The following GSK3B variants were observed in gnomAD, a reference collection of about 807,000 sequenced individuals.
GSK3B encodes the protein glycogen synthase kinase-3 beta.
A neutral mutation model predicts 56.4 loss-of-function variants in GSK3B; 15 were observed. The ratio of observed to expected loss-of-function variants is 0.27; its 90% CI spans 0.18 to 0.41. GSK3B has a LOEUF of 0.41. GSK3B is among the 10% of genes least tolerant of loss of function. The pLI is 1.00. For missense variants in GSK3B, 300 were observed against 513.4 expected, an observed-to-expected ratio of 0.58 and a Z score of 4.02; for synonymous variants, 181 against 188.9, an observed-to-expected ratio of 0.96 and a Z score of 0.34.
chr3:119,865,466 ATTTT>A (rs779477802), intron 8 of GSK3B, among the ~76,000 whole-genome samples: 84 of 34,012 alleles, frequency 2.5e-3, no homozygotes, highest in South Asian at 4.1e-3. Flanking sequence ...ATATATATAT[ATTTT>A]TTTTTTTTTT....
At chr3:119,874,428 G>C (rs1420674429) in intron 8 of GSK3B, among the ~76,000 whole-genome samples, 2 of 151,998 alleles carry the variant, frequency 1.3e-5, no homozygotes, top group Non-Finnish European at 2.9e-5. Flanking sequence ...TGTGAATGTA[G>C]TATCTCTCTT....
At chr3:119,839,140 C>T (rs1262515885) in intron 10 of GSK3B, among the ~76,000 whole-genome samples, 2 of 152,224 alleles carry the variant, frequency 1.3e-5, no homozygotes, top group East Asian at 3.9e-4. Context: ...TGATTTTAGG[C>T]CACAATCTGG....
At chr3:120,089,455 G>T (rs2058492754) in intron 1 of GSK3B, among the ~76,000 whole-genome samples, 1 of 152,178 alleles carries the variant, frequency 6.6e-6, no homozygotes, top group Admixed American at 6.5e-5. Flanking sequence ...ATTTTTAGAT[G>T]TCATAAAGAG....
intron 2 of GSK3B, among the ~76,000 whole-genome samples, chr3:119,963,437 T>C (rs1222942762): frequency 6.6e-6 from 1 of 151,862 alleles, no homozygotes; most frequent in Non-Finnish European, 1.5e-5. Context: ...CATTTCAAAA[T>C]ATTTTATAAA....
intron 10 of GSK3B, among the ~76,000 whole-genome samples, chr3:119,834,422 T>C (rs1270375861): frequency 6.6e-6 from 1 of 152,184 alleles, no homozygotes; most frequent in Non-Finnish European, 1.5e-5. Context: ...CCTTCAGTGA[T>C]TATAAAAATA....
chr3:119,987,460 C>A (rs1049669885), intron 2 of GSK3B, among the ~76,000 whole-genome samples: 3 of 152,046 alleles, frequency 2.0e-5, no homozygotes, highest in Admixed American at 2.0e-4. Context: ...TTTTTACCTA[C>A]ATTAAAAAGT....
At chr3:119,948,598 A>G (rs1184448972) in intron 2 of GSK3B, among the ~76,000 whole-genome samples, 1 of 152,246 alleles carries the variant, frequency 6.6e-6, no homozygotes, top group Non-Finnish European at 1.5e-5. Context: ...TTAAGTGTTG[A>G]CTAGTACAGA....
At chr3:119,863,335 C>A in intron 9 of GSK3B, 84 bp downstream of exon 9, 3 of 1,127,740 alleles carry the variant, frequency 2.7e-6, no homozygotes, top group Non-Finnish European at 4.0e-6. Flanking sequence ...TTGTCCTCCA[C>A]AGATTTTAAT....
chr3:119,908,396 G>C (rs2056703417), intron 6 of GSK3B, among the ~76,000 whole-genome samples: 1 of 152,164 alleles, frequency 6.6e-6, no homozygotes, highest in African/African-American at 2.4e-5. Context: ...GCTGAAATTT[G>C]CTCTTGGGGA....
chr3:119,964,066 G>A (rs958045459), intron 2 of GSK3B, among the ~76,000 whole-genome samples: 7 of 152,104 alleles, frequency 4.6e-5, no homozygotes, highest in Non-Finnish European at 7.3e-5. Context: ...AGAGTAAGAA[G>A]GCAGCCTATG....
chr3:119,855,980 T>C (rs2056017750), intron 9 of GSK3B, among the ~76,000 whole-genome samples: 1 of 152,182 alleles, frequency 6.6e-6, no homozygotes, highest in African/African-American at 2.4e-5. Flanking sequence ...AGTATAATAA[T>C]ACTGCTAATA....
chr3:119,885,823 T>A (rs2056430029), intron 7 of GSK3B, among the ~76,000 whole-genome samples: 1 of 152,082 alleles, frequency 6.6e-6, no homozygotes, highest in South Asian at 2.1e-4. Flanking sequence ...CAATAAATGG[T>A]GCTGGGATAA....
At chr3:119,968,624 A>G (rs751238566) in intron 2 of GSK3B, among the ~76,000 whole-genome samples, 1 of 152,214 alleles carries the variant, frequency 6.6e-6, no homozygotes, top group Non-Finnish European at 1.5e-5. Flanking sequence ...ATAAAGTACA[A>G]TAAAAAACTC....
chr3:120,029,369 G>A, intron 1 of GSK3B: 1 of 764,452 alleles, frequency 1.3e-6, no homozygotes. Flanking sequence ...CAATGTTGCT[G>A]TCAACATTCA....
At chr3:119,971,602 T>A (rs1249286970) in intron 2 of GSK3B, among the ~76,000 whole-genome samples, 1 of 43,260 alleles carries the variant, frequency 2.3e-5, no homozygotes, top group Non-Finnish European at 3.9e-5. Flanking sequence ...TTTGCAATAA[T>A]TTTTTTTTTT....
intron 1 of GSK3B, among the ~76,000 whole-genome samples, chr3:120,004,129 C>T (rs1310640439): frequency 1.3e-5 from 2 of 152,246 alleles, no homozygotes; most frequent in Non-Finnish European, 2.9e-5. Flanking sequence ...CACGCCCACA[C>T]AGCCTTGTTC....
At chr3:120,028,623 C>T (rs543685597) in intron 1 of GSK3B, 4 of 308,860 alleles carry the variant, frequency 1.3e-5, no homozygotes, top group African/African-American at 8.6e-5. Flanking sequence ...TTATGGAAAA[C>T]ATAACTCCCC....
At chr3:120,017,427 C>T (rs374326068) in intron 1 of GSK3B, among the ~76,000 whole-genome samples, 2 of 152,268 alleles carry the variant, frequency 1.3e-5, no homozygotes, top group South Asian at 2.1e-4. Flanking sequence ...TCTTGGCCTA[C>T]TAGACATCCC....
intron 10 of GSK3B, among the ~76,000 whole-genome samples, chr3:119,836,663 C>T (rs745604926): frequency 1.3e-5 from 2 of 151,970 alleles, no homozygotes; most frequent in East Asian, 3.9e-4. Context: ...TTACAAAGTG[C>T]TTTTTATAAC....
Sources: gnomAD v4.1 joint callset for allele counts (sites outside exome capture counted in the v4.1 genomes callset) on GRCh38, gnomAD v4.1.1 for gene constraint, MANE v1.5 for transcripts, NCBI Gene and HGNC (gene_info 2026-07-23, HGNC 2026-07-21) for gene names.